The following ANO1 variants were observed in gnomAD, a reference collection of about 807,000 sequenced individuals.
ANO1 encodes anoctamin-1.
A neutral mutation model predicts 124.0 loss-of-function variants in ANO1; 59 were observed. The observed-to-expected ratio is 0.48, with a 90% confidence interval of 0.39 to 0.59. ANO1 has a LOEUF of 0.59. Ranked by LOEUF, ANO1 falls within the 20% of genes least tolerant of loss-of-function variation. The pLI is 0.00. For synonymous variants in ANO1, 529 were observed against 532.0 expected (o/e 0.99, Z 0.08); for missense variants, 1,059 against 1,328.0 (o/e 0.80, Z 3.15).
Position 70,116,451 on chromosome 11 carries a change from T to A in ANO1, c.856-7T>A. ...ATAAGAACGTCCCTTTCCTCTTTTT[T>A]TAACAGGGAGACTACAACGGTGAAA... On this transcript the variant is annotated splice_polypyrimidine_tract_variant and splice_region_variant and intron_variant, in intron 7 of 25. Coordinates refer to ENST00000355303, the MANE Select transcript of ANO1 (RefSeq NM_018043.7). The A allele has an allele frequency of 6.3e-7, 1 of 1,595,956 alleles. No individual in the cohort carries two copies. Among genetic ancestry groups the A allele is most frequent in the Non-Finnish European group, 8.5e-7 (1 of 1,170,996 alleles).
intron 1 of ANO1, among the ~76,000 whole-genome samples, chr11:70,043,400 G>A (rs1857210973): frequency 6.6e-6 from 1 of 152,140 alleles, no homozygotes; most frequent in Admixed American, 6.5e-5. Context: ...GAAGTGGGGT[G>A]CAGAAAAAAG....
chr11:70,180,526 G>A (rs1443182195), intron 23 of ANO1, among the ~76,000 whole-genome samples: 1 of 152,094 alleles, frequency 6.6e-6, no homozygotes, highest in Non-Finnish European at 1.5e-5. Flanking sequence ...GCCCTCCTCG[G>A]CCTCCCAAAG....
chr11:70,184,266 AG>A (rs1329616447), intron 24 of ANO1, among the ~76,000 whole-genome samples: 2 of 152,124 alleles, frequency 1.3e-5, no homozygotes, highest in Admixed American at 6.5e-5. Context: ...GGAGGGAGGG[AG>A]GCCCTAGGCA....
At chr11:70,070,333 G>A (rs1385858143) in intron 1 of ANO1, among the ~76,000 whole-genome samples, 1 of 152,116 alleles carries the variant, frequency 6.6e-6, no homozygotes, top group African/African-American at 2.4e-5. Context: ...AAGGGGTGGC[G>A]GATTCTATGG....
Position 70,170,785 on chromosome 11 carries a change from G to A in ANO1, c.2198-102G>A, listed in dbSNP as rs985677573. ...ATGCAGGTGGGCTCGTTGGAGGTGGGGCGGCAGCCAGACCTGTGCGGCTCG... is the reference window on the plus strand; with the variant it reads ...ATGCAGGTGGGCTCGTTGGAGGTGGAGCGGCAGCCAGACCTGTGCGGCTCG... On this transcript the variant is annotated intron_variant, in intron 21 of 25. Coordinates refer to ENST00000355303, the MANE Select transcript of ANO1 (RefSeq NM_018043.7). 27 of 1,438,128 alleles carry A rather than the reference G, an allele frequency of 1.9e-5. No homozygotes were observed. The East Asian group carries it at 6.0e-4, about 32-fold the overall frequency. The allele number at this position is 1,438,128 out of a possible 1,614,324, so 89.1% of individuals were successfully genotyped here.
At chr11:70,050,007 TCACGCCCAG>T (rs1857326957) in intron 1 of ANO1, among the ~76,000 whole-genome samples, 1 of 152,156 alleles carries the variant, frequency 6.6e-6, no homozygotes, top group African/African-American at 2.4e-5. Flanking sequence ...GCGTGAGCCA[TCACGCCCAG>T]CTGCTGTCTG....
At chr11:70,013,826 A>AAAGAAAAGAAAAGAAAAGAAAAG (rs1488846588) in intron 1 of ANO1, among the ~76,000 whole-genome samples, 6 of 152,026 alleles carry the variant, frequency 3.9e-5, no homozygotes, top group African/African-American at 1.4e-4. Flanking sequence ...AAAGAAAAGA[A>AAAGAAAAGAAAAGAAAAGAAAAG]AAAGTGTCAC....
intron 1 of ANO1, among the ~76,000 whole-genome samples, chr11:70,054,652 G>A (rs1857405872): frequency 1.3e-5 from 2 of 152,356 alleles, no homozygotes; most frequent in African/African-American, 4.8e-5. Flanking sequence ...CTTGTGAGGG[G>A]CAGGCCTGAG....
chr11:70,059,007 C>T (rs1161743034), intron 1 of ANO1, among the ~76,000 whole-genome samples: 1 of 151,520 alleles, frequency 6.6e-6, no homozygotes, highest in Admixed American at 6.6e-5. Flanking sequence ...CACGGTGAAA[C>T]CCCGTCTCTA....
intron 1 of ANO1, among the ~76,000 whole-genome samples, chr11:70,066,963 C>T (rs1310621813): frequency 6.6e-6 from 1 of 152,214 alleles, no homozygotes; most frequent in Non-Finnish European, 1.5e-5. Context: ...AAGCAGCCCC[C>T]CAGCGGGGAG....
At chr11:70,031,773 TG>T (rs1326416332) in intron 1 of ANO1, among the ~76,000 whole-genome samples, 6 of 152,200 alleles carry the variant, frequency 3.9e-5, no homozygotes, top group Admixed American at 3.9e-4. Flanking sequence ...ACCTGAGCAC[TG>T]GCCAGGCCGC....
At chr11:70,012,914 C>A (rs12802284) in intron 1 of ANO1, among the ~76,000 whole-genome samples, 9 of 152,198 alleles carry the variant, frequency 5.9e-5, no homozygotes, top group Non-Finnish European at 1.2e-4. Context: ...GACAACAAGA[C>A]CAACCATGCC....
exon 1 of ANO1, chr11:69,985,916 G>A (rs1554996815): frequency 6.6e-6 from 1 of 152,112 alleles, no homozygotes; most frequent in East Asian, 1.9e-4. Flanking sequence ...CGTGAGCGAG[G>A]GCAGCCAAGT....
At chr11:70,095,299 G>GGAAA (rs58358100) in intron 2 of ANO1, among the ~76,000 whole-genome samples, 2 of 50,928 alleles carry the variant, frequency 3.9e-5, no homozygotes, top group African/African-American at 9.0e-5. Context: ...AAGGAAGGAA[G>GGAAA]GAAAGAAAGA....
At chr11:70,154,850 A>G (rs1210884987) in intron 14 of ANO1, among the ~76,000 whole-genome samples, 1 of 152,344 alleles carries the variant, frequency 6.6e-6, no homozygotes, top group South Asian at 2.1e-4. Flanking sequence ...TTATCGCCCT[A>G]AAATAAAGAG....
At chr11:70,095,729 T>C (rs929455499) in intron 2 of ANO1, among the ~76,000 whole-genome samples, 3 of 152,172 alleles carry the variant, frequency 2.0e-5, no homozygotes, top group African/African-American at 4.8e-5. Flanking sequence ...AAATCAGGGC[T>C]TCCCTCGCCC....
chr11:70,153,266 T>C (rs1247740253), intron 14 of ANO1, 138 bp downstream of exon 14: 1 of 764,198 alleles, frequency 1.3e-6, no homozygotes, highest in South Asian at 1.8e-5. Flanking sequence ...TCTGCCATGG[T>C]AGCGGCAAAA....
the ANO1 span, among the ~76,000 whole-genome samples, chr11:69,973,291 C>A: frequency 6.6e-6 from 1 of 152,146 alleles, no homozygotes; most frequent in Admixed American, 6.5e-5. Flanking sequence ...TTTGCTTATT[C>A]TCTTTCTCCC....
chr11:70,086,323 A>G (rs994439213), intron 1 of ANO1, among the ~76,000 whole-genome samples: 6 of 152,210 alleles, frequency 3.9e-5, no homozygotes, highest in African/African-American at 1.4e-4. Context: ...AATTCCAGCA[A>G]TGCAGGCTTG....
Sources: allele counts gnomAD v4.1 joint callset (sites outside exome capture counted in the v4.1 genomes callset), GRCh38; gene constraint gnomAD v4.1.1; transcripts MANE v1.5; gene names NCBI Gene and HGNC (gene_info 2026-07-23, HGNC 2026-07-21).